KLHL22: variants seen among roughly 807,000 people sequenced by gnomAD.
The protein encoded by KLHL22 is kelch-like protein 22.
In KLHL22, 18 loss-of-function variants were observed where a neutral mutation model predicts 60.7. That is an observed-to-expected ratio of 0.30 (90% CI 0.20 to 0.44). The LOEUF (loss-of-function observed/expected upper bound fraction) is 0.44. Ranked by LOEUF, KLHL22 falls within the 20% of genes least tolerant of loss-of-function variation. The probability of loss-of-function intolerance (pLI) is 1.00; values close to 1 mark genes in which losing one functional copy is unlikely to be tolerated. For missense variants in KLHL22, 596 were observed against 852.3 expected (o/e 0.70, Z 3.74); for synonymous variants, 355 against 354.5 (o/e 1.00, Z -0.01).
intron 4 of KLHL22, among the ~76,000 whole-genome samples, chr22:20,462,279 A>AG (rs961851851): frequency 8.0e-5 from 12 of 150,288 alleles, no homozygotes; most frequent in African/African-American, 2.9e-4. Flanking sequence ...TCTGTCTCAA[A>AG]AAAAAAAAAA....
chr22:20,475,416 C>T (rs903260543), intron 2 of KLHL22: 7 of 152,030 alleles, frequency 4.6e-5, no homozygotes, highest in Admixed American at 1.3e-4. Flanking sequence ...AAAACATTTC[C>T]GATATTTTCC....
intron 5 of KLHL22, among the ~76,000 whole-genome samples, chr22:20,457,019 G>A (rs1176878738): frequency 2.1e-5 from 3 of 141,884 alleles, no homozygotes; most frequent in Non-Finnish European, 4.7e-5. Context: ...TACTAGCGGG[G>A]TGCCCTGCTA....
At chr22:20,473,069 G>A (rs1230513737) in intron 2 of KLHL22, among the ~76,000 whole-genome samples, 1 of 152,200 alleles carries the variant, frequency 6.6e-6, no homozygotes, top group African/African-American at 2.4e-5. Flanking sequence ...TGAAATCTGA[G>A]CATTATGGGA....
At chr22:20,489,860 T>C (rs547340981) in intron 1 of KLHL22, 3 of 467,466 alleles carry the variant, frequency 6.4e-6, no homozygotes, top group Non-Finnish European at 1.3e-5. Context: ...TTACTGAAAT[T>C]CTGAGAGTCA....
chr22:20,459,735 A>C lies in KLHL22; in HGVS notation c.1113-1735T>G, dbSNP rs530310382. Among the ~76,000 whole-genome samples, 9 of 152,328 alleles carry C rather than the reference A, an allele frequency of 5.9e-5. No homozygotes were observed. In the South Asian group the frequency reaches 1.9e-3, roughly 32 times the overall value. On this transcript the variant is annotated intron_variant, in intron 4 of 6. Coordinates refer to ENST00000328879, the MANE Select transcript of KLHL22 (RefSeq NM_032775.4). ...CAATGAATCATTCATTCACTCTACC[A>C]ACATTCCCAGGTCTCCCACTGTGGA...
At chr22:20,488,599 G>A (rs2053625891) in intron 2 of KLHL22, 1 of 239,082 alleles carries the variant, frequency 4.2e-6, no homozygotes, top group Non-Finnish European at 8.3e-6. Flanking sequence ...AGGGCCAGAG[G>A]CTAACACCTG....
chr22:20,446,746 G>T, intron 5 of KLHL22, 70 bp from the exon 6 acceptor site: 3 of 1,189,310 alleles, frequency 2.5e-6, no homozygotes, highest in Non-Finnish European at 3.7e-6. Flanking sequence ...CTCTGTCAAG[G>T]CCAATCACCA....
intron 2 of KLHL22, chr22:20,482,770 T>A: frequency 1.1e-6 from 1 of 934,220 alleles, no homozygotes; most frequent in Admixed American, 2.0e-5. Context: ...CTCTGAACTT[T>A]TTATTGGCCT....
At chr22:20,459,219 A>G (rs1409736053) in intron 4 of KLHL22, among the ~76,000 whole-genome samples, 1 of 152,254 alleles carries the variant, frequency 6.6e-6, no homozygotes, top group African/African-American at 2.4e-5. Flanking sequence ...TCTAACTTCA[A>G]CTGGCTCACA....
At chr22:20,483,452 CT>C in intron 2 of KLHL22, 1 of 767,156 alleles carries the variant, frequency 1.3e-6, no homozygotes, top group East Asian at 2.5e-5. Flanking sequence ...TTTACTTCCT[CT>C]TCATGGTTCT....
In KLHL22 at chr22:20,465,639, A is replaced by G. The variant is rs781162655; in HGVS notation, c.394-63T>C. ...TGAACAGCATCTGGGGGTGGGAGAG[A>G]GAATGATGGCAGAAATACGGGCTGT... On this transcript the variant is annotated intron_variant, in intron 3 of 6. Coordinates refer to ENST00000328879, the MANE Select transcript of KLHL22 (RefSeq NM_032775.4). The surrounding 1 kb of genome is among the most constrained non-coding windows in gnomAD (Gnocchi z 4.9). 1 of 847,604 alleles carries G rather than the reference A, an allele frequency of 1.2e-6. No homozygotes were observed. The highest frequency in any genetic ancestry group is 2.4e-5 in the East Asian group (1 of 41,370). The allele number at this position is 847,604 out of a possible 1,614,324, so 52.5% of individuals were successfully genotyped here.
chr22:20,451,350 T>C, intron 5 of KLHL22: 1 of 1,611,686 alleles, frequency 6.2e-7, no homozygotes, highest in Non-Finnish European at 8.5e-7. Context: ...TGCTGGGAGA[T>C]ATGCAGACAG....
chr22:20,453,525 G>A, intron 5 of KLHL22, among the ~76,000 whole-genome samples: 1 of 152,202 alleles, frequency 6.6e-6, no homozygotes, highest in East Asian at 1.9e-4. Context: ...GTCTATCACT[G>A]TATCCATACC....
In KLHL22 at chr22:20,487,304, G is replaced by A. The variant is rs551907463; in HGVS notation, c.227+1681C>T. Among the ~76,000 whole-genome samples the A allele has an allele frequency of 1.7e-4, 26 of 151,176 alleles. 1 individual carries two copies. The highest frequency in any genetic ancestry group is 2.9e-4 in the Non-Finnish European group (20 of 67,872). On this transcript the variant is annotated intron_variant, in intron 2 of 6. Coordinates refer to ENST00000328879, the MANE Select transcript of KLHL22 (RefSeq NM_032775.4). ...ACAATCTCGGCTCACTGCAACCTCC[G>A]CATCCTGTGTTCAAGCAACTCTCCT... is the stretch of plus-strand genomic sequence containing the variant.
chr22:20,471,640 C>T, intron 2 of KLHL22, 125 bp from the exon 3 acceptor site: 1 of 951,284 alleles, frequency 1.1e-6, no homozygotes, highest in Non-Finnish European at 1.6e-6. Context: ...TGGGCTGACC[C>T]ACTCTGTGCT....
chr22:20,483,916 C>A, intron 2 of KLHL22: 1 of 677,850 alleles, frequency 1.5e-6, no homozygotes. Context: ...ATCCCCGCGG[C>A]CAGGCCCCCA....
At chr22:20,450,564 C>A (rs1341720031) in intron 5 of KLHL22, 2 of 1,610,848 alleles carry the variant, frequency 1.2e-6, no homozygotes, top group Non-Finnish European at 1.7e-6. Flanking sequence ...ATTGTGTTGA[C>A]CTGACACAAG....
chr22:20,459,255 C>T (rs1176075950), intron 4 of KLHL22, among the ~76,000 whole-genome samples: 1 of 152,204 alleles, frequency 6.6e-6, no homozygotes, highest in Non-Finnish European at 1.5e-5. Flanking sequence ...TTTTCTTTGG[C>T]CTGTGCCCTA....
At chr22:20,447,489 C>T (rs1168630938) in intron 5 of KLHL22, among the ~76,000 whole-genome samples, 1 of 151,512 alleles carries the variant, frequency 6.6e-6, no homozygotes, top group Non-Finnish European at 1.5e-5. Flanking sequence ...GAACACACAC[C>T]AAGGGTTTGG....
Sources: gnomAD v4.1 joint callset for allele counts (sites outside exome capture counted in the v4.1 genomes callset) on GRCh38, gnomAD v4.1.1 for gene constraint, Gnocchi (gnomAD v3.1) non-coding constraint, MANE v1.5 for transcripts, NCBI Gene and HGNC (gene_info 2026-07-23, HGNC 2026-07-21) for gene names.